The following SLC2A10 variants were observed in gnomAD, a reference collection of about 807,000 sequenced individuals.
The protein encoded by SLC2A10 is solute carrier family 2, facilitated glucose transporter member 10.
In SLC2A10, 25 loss-of-function variants were observed where a neutral mutation model predicts 32.1. That is an observed-to-expected ratio of 0.78 (90% confidence interval 0.57 to 1.09). SLC2A10 has a LOEUF of 1.09. SLC2A10 is among the 50% of genes least tolerant of loss of function. The pLI is 0.00. For synonymous variants in SLC2A10, 332 were observed against 309.6 expected (o/e 1.07, Z -0.76); for missense variants, 673 against 686.5 (o/e 0.98, Z 0.22).
At chr20:46,721,532 T>G (rs1979556782) in intron 1 of SLC2A10, among the ~76,000 whole-genome samples, 1 of 152,120 alleles carries the variant, frequency 6.6e-6, no homozygotes, top group Admixed American at 6.5e-5. Context: ...GCTTTTAAAT[T>G]ATAATTTACA....
Position 46,734,296 on chromosome 20 carries a change from T to C in SLC2A10, c.*462T>C, listed in dbSNP as rs1980461183. On this transcript the variant is annotated 3_prime_UTR_variant, in exon 5 of 5. Transcript: ENST00000359271. ...AAGTCTCTTTTTTTACTCTTATCAT[T>C]TTTTTTTTTTGAGGTGGAGTCTCAT... is the stretch of plus-strand genomic sequence containing the variant. The C allele has an allele frequency of 1.2e-5, 1 of 85,336 alleles. No homozygotes were observed. Among genetic ancestry groups the C allele is most frequent in the Non-Finnish European group, 2.3e-5 (1 of 42,648 alleles). The allele number at this position is 85,336 out of a possible 1,614,324, so 5.3% of individuals were successfully genotyped here.
chr20:46,724,856 G>A (rs1979774899), intron 1 of SLC2A10, among the ~76,000 whole-genome samples, 185 bp from the exon 2 acceptor site: 2 of 140,650 alleles, frequency 1.4e-5, no homozygotes, highest in Non-Finnish European at 3.1e-5. Context: ...TGGTTGAATT[G>A]ATGGAGTGGA....
intron 3 of SLC2A10, among the ~76,000 whole-genome samples, chr20:46,727,545 T>C (rs1198344253): frequency 2.0e-5 from 3 of 152,122 alleles, no homozygotes; most frequent in African/African-American, 7.2e-5. Context: ...GGTCTTGAAC[T>C]CCTGACCTCA....
In SLC2A10 at chr20:46,725,145, C is replaced by A; in HGVS notation, c.109C>A (p.Gln37Lys). ...CATATCAGGTGCCCTGCTGCCACTG[C>A]AGCTTGACTTTGGGCTAAGCTGCTT... The part of the protein sequence containing the change: ...AVISGALLPL[Q>K]LDFGLSCLEQ... The change falls in exon 2 of 5, where the codon CAG becomes AAG. Residue 37 changes from glutamine (Q) to lysine (K), a missense_variant. Coordinates refer to ENST00000359271, the MANE Select transcript of SLC2A10 (RefSeq NM_030777.4). 1 of 1,614,242 alleles carries A rather than the reference C, an allele frequency of 6.2e-7. No individual in the cohort carries two copies. Among genetic ancestry groups the A allele is most frequent in the Non-Finnish European group, 8.5e-7 (1 of 1,180,052 alleles).
chr20:46,722,688 A>G (rs534288475), intron 1 of SLC2A10, among the ~76,000 whole-genome samples: 11 of 152,352 alleles, frequency 7.2e-5, no homozygotes, highest in Middle Eastern at 3.4e-3. Context: ...TGATGCGTTT[A>G]AAGTTTCTCA....
chr20:46,734,190 G>A lies in SLC2A10; in HGVS notation c.*356G>A, dbSNP rs1980453696. On this transcript the variant is annotated 3_prime_UTR_variant, in exon 5 of 5. Coordinates refer to ENST00000359271, the MANE Select transcript of SLC2A10 (RefSeq NM_030777.4). ...CCAATCCTGGCAGGAAGTCTCTCCC[G>A]ATATCACCCCTAAATCCAAATGAGG... 2.8e-6 allele frequency: 1 copy of A among 359,682 alleles called. No individual in the cohort carries two copies. The highest frequency in any genetic ancestry group is 5.2e-6 in the Non-Finnish European group (1 of 190,500). 22.3% of individuals were successfully genotyped at this position (359,682 alleles called of 1,614,324 possible). A position where few individuals can be genotyped will look rare whatever the true frequency, so the allele number is the denominator to read the frequency against.
Position 46,709,653 on chromosome 20 carries a change from G to C in SLC2A10, c.-84G>C, listed in dbSNP as rs1300299344. The C allele has an allele frequency of 8.0e-6, 12 of 1,497,030 alleles. No homozygotes were observed. The highest frequency in any genetic ancestry group is 8.0e-6 in the Non-Finnish European group (9 of 1,118,120). The allele number at this position is 1,497,030 out of a possible 1,614,324, so 92.7% of individuals were successfully genotyped here. ...CGGGGGCGGGCCGGAAAGTTTGTCC[G>C]GCGGCAGCGGCGTTGGGGACTCCGG... On this transcript the variant is annotated 5_prime_UTR_variant, in exon 1 of 5. Transcript: ENST00000359271.
chr20:46,736,311 G>T lies in SLC2A10; in HGVS notation c.*2477G>T, dbSNP rs942428379. The T allele has an allele frequency of 1.3e-5, 2 of 152,058 alleles. No individual in the cohort carries two copies. Among genetic ancestry groups the T allele is most frequent in the Non-Finnish European group, 2.9e-5 (2 of 68,028 alleles). The allele number at this position is 152,058 out of a possible 1,614,324, so 9.4% of individuals were successfully genotyped here. A position where few individuals can be genotyped will look rare whatever the true frequency, so the allele number is the denominator to read the frequency against. On this transcript the variant is annotated 3_prime_UTR_variant, in exon 5 of 5. Transcript: ENST00000359271. ...TTTAGGATAGAATATTTACAATAAAGAGTATTTACAATAAAGAGTTTGTTA... is the reference window on the plus strand; with the variant it reads ...TTTAGGATAGAATATTTACAATAAATAGTATTTACAATAAAGAGTTTGTTA...
chr20:46,712,844 G>C (rs1435994333), intron 1 of SLC2A10, among the ~76,000 whole-genome samples: 1 of 151,440 alleles, frequency 6.6e-6, no homozygotes, highest in Non-Finnish European at 1.5e-5. Flanking sequence ...TGGTAGAGAT[G>C]GGGTTTCACC....
At chr20:46,715,067 A>G (rs542982538) in intron 1 of SLC2A10, among the ~76,000 whole-genome samples, 20 of 152,180 alleles carry the variant, frequency 1.3e-4, no homozygotes, top group Non-Finnish European at 2.5e-4. Context: ...GTTGCTTCCT[A>G]GCTGTGAGAA....
In SLC2A10 at chr20:46,729,399, T is replaced by A. The variant is rs760889383; in HGVS notation, c.1458T>A (p.Ala486=). The part of the protein sequence containing the change: ...SWTFLLYGLT[A]VLGLGFIYLF... Reference sequence around the variant, plus strand: ...CCTTCCTGCTCTACGGACTGACCGCTGTCCTCGGCCTGGGCTTCATCTATT... The same window carrying A: ...CCTTCCTGCTCTACGGACTGACCGCAGTCCTCGGCCTGGGCTTCATCTATT... Residue 486 remains alanine (A), a synonymous_variant, in exon 4 of 5, where the codon GCT becomes GCA. Coordinates refer to ENST00000359271, the MANE Select transcript of SLC2A10 (RefSeq NM_030777.4). 1.2e-6 allele frequency: 2 copies of A among 1,613,942 alleles called. No individual in the cohort carries two copies. The highest frequency in any genetic ancestry group is 2.7e-5 in the African/African-American group (2 of 74,918).
Position 46,725,589 on chromosome 20 carries a change from C to T in SLC2A10, c.553C>T (p.Leu185Phe). ...CCTGCAATCCCTCAGCCTCCTCTTC[C>T]TCCCTGCTGGTACAGATGAGACTGC... ...AVLQSLSLLF[L>F]PAGTDETATH... The change falls in exon 2 of 5, where the codon CTC becomes TTC. Residue 185 changes from leucine (L) to phenylalanine (F), a missense_variant. Coordinates refer to ENST00000359271, the MANE Select transcript of SLC2A10 (RefSeq NM_030777.4). 4 of 1,614,194 alleles carry T rather than the reference C, an allele frequency of 2.5e-6. No individual in the cohort carries two copies. Among genetic ancestry groups the T allele is most frequent in the Non-Finnish European group, 3.4e-6 (4 of 1,180,030 alleles).
chr20:46,719,842 C>G (rs923194953), intron 1 of SLC2A10, among the ~76,000 whole-genome samples: 36 of 152,348 alleles, frequency 2.4e-4, no homozygotes, highest in Admixed American at 1.8e-3. Context: ...CTACTGAACT[C>G]TTCCAAGAGC....
intron 1 of SLC2A10, among the ~76,000 whole-genome samples, chr20:46,723,185 C>T (rs755168149): frequency 1.3e-5 from 2 of 152,170 alleles, no homozygotes; most frequent in African/African-American, 2.4e-5. Flanking sequence ...GTGTAGCTTG[C>T]ATCCTCATGG....
intron 1 of SLC2A10, among the ~76,000 whole-genome samples, chr20:46,710,888 C>CTT (rs200557356): frequency 6.7e-6 from 1 of 148,902 alleles, no homozygotes; most frequent in Non-Finnish European, 1.5e-5. Context: ...TTTTTTTTTT[C>CTT]TTTTTTTTGA....
intron 1 of SLC2A10, among the ~76,000 whole-genome samples, chr20:46,712,651 C>CTTTTTTTTTTTTTTTTTTTTTTT (rs11477202): frequency 1.3e-4 from 12 of 94,422 alleles, no homozygotes; most frequent in Non-Finnish European, 1.8e-4. Flanking sequence ...TTCTTTCTTT[C>CTTTTTTTTTTTTTTTTTTTTTTT]TTTTTTTTTT....
At chr20:46,732,080 T>A (rs1377765775) in intron 4 of SLC2A10, among the ~76,000 whole-genome samples, 1 of 152,188 alleles carries the variant, frequency 6.6e-6, no homozygotes, top group Non-Finnish European at 1.5e-5. Flanking sequence ...TTATTCTGCA[T>A]CCCTGTGCCT....
intron 4 of SLC2A10, among the ~76,000 whole-genome samples, chr20:46,731,289 A>G (rs1980285858): frequency 6.6e-6 from 1 of 151,968 alleles, no homozygotes; most frequent in Non-Finnish European, 1.5e-5. Context: ...GGGGAGGGGA[A>G]GGGGTGGGCA....
In SLC2A10 at chr20:46,735,627, C is replaced by T. The variant is rs1455303183; in HGVS notation, c.*1793C>T. Reference sequence around the variant, plus strand: ...TGTTAGTCTTTGGTTGCTTAACTGGCTGTGGGGAGTGTTTTTGTATCACAA... The same window carrying T: ...TGTTAGTCTTTGGTTGCTTAACTGGTTGTGGGGAGTGTTTTTGTATCACAA... On this transcript the variant is annotated 3_prime_UTR_variant, in exon 5 of 5. Transcript: ENST00000359271. 4 of 152,168 alleles carry T rather than the reference C, an allele frequency of 2.6e-5. No individual in the cohort carries two copies. Among genetic ancestry groups the T allele is most frequent in the Non-Finnish European group, 4.4e-5 (3 of 68,040 alleles). 9.4% of individuals were successfully genotyped at this position (152,168 alleles called of 1,614,324 possible).
Sources: gnomAD v4.1 joint callset for allele counts (sites outside exome capture counted in the v4.1 genomes callset) on GRCh38, gnomAD v4.1.1 for gene constraint, MANE v1.5 for transcripts, NCBI Gene and HGNC (gene_info 2026-07-23, HGNC 2026-07-21) for gene names.